The following ACADSB variants were observed in gnomAD, a reference collection of about 807,000 sequenced individuals.
ACADSB encodes the protein acyl-CoA dehydrogenase short/branched chain, also known as short/branched chain specific acyl-CoA dehydrogenase, mitochondrial.
A neutral mutation model predicts 54.1 loss-of-function variants in ACADSB; 40 were observed. The observed-to-expected ratio is 0.74, with a 90% CI of 0.57 to 0.96. ACADSB has a LOEUF of 0.96. ACADSB is among the 40% of genes least tolerant of loss of function. ACADSB has a pLI of 0.00. For synonymous variants in ACADSB, 182 were observed against 182.8 expected (o/e 1.00, Z 0.03); for missense variants, 530 against 510.4 (o/e 1.04, Z -0.37).
In ACADSB at chr10:123,055,279, C is replaced by T; in HGVS notation, c.*1514C>T. Reference sequence around the variant, plus strand: ...AAAAGCACTTCTTACATGGCGGCAGCAAGAGAAAATGAGAAAGAAGCAAAA... The same window carrying T: ...AAAAGCACTTCTTACATGGCGGCAGTAAGAGAAAATGAGAAAGAAGCAAAA... On this transcript the variant is annotated 3_prime_UTR_variant, in exon 11 of 11. Transcript: ENST00000358776. 5.1e-6 allele frequency: 1 copy of T among 196,306 alleles called. No individual in the cohort carries two copies. The highest frequency in any genetic ancestry group is 1.2e-4 in the South Asian group (1 of 8,654). The allele number at this position is 196,306 out of a possible 1,614,324, so 12.2% of individuals were successfully genotyped here.
chr10:123,015,213 C>G (rs1850094778), intron 1 of ACADSB, among the ~76,000 whole-genome samples: 1 of 152,252 alleles, frequency 6.6e-6, no homozygotes, highest in Non-Finnish European at 1.5e-5. Context: ...GCAAATATAT[C>G]TTTGTCTTCC....
chr10:123,010,551 C>T (rs1850013163), intron 1 of ACADSB, among the ~76,000 whole-genome samples: 1 of 152,100 alleles, frequency 6.6e-6, no homozygotes, highest in African/African-American at 2.4e-5. Flanking sequence ...GAACCCAGGC[C>T]CTCTCACTTC....
intron 1 of ACADSB, among the ~76,000 whole-genome samples, chr10:123,031,131 CTG>C (rs1437357223): frequency 1.3e-5 from 2 of 152,158 alleles, no homozygotes; most frequent in East Asian, 1.9e-4. Context: ...ATAAAAGTAT[CTG>C]TAATTTCTTT....
At chr10:123,017,633 G>A (rs1432550782) in intron 1 of ACADSB, among the ~76,000 whole-genome samples, 1 of 152,180 alleles carries the variant, frequency 6.6e-6, no homozygotes, top group East Asian at 1.9e-4. Context: ...AGTTTCTAAT[G>A]GCCGGCATTT....
At chr10:123,028,622 C>T (rs948393804) in intron 1 of ACADSB, among the ~76,000 whole-genome samples, 1 of 152,138 alleles carries the variant, frequency 6.6e-6, no homozygotes, top group African/African-American at 2.4e-5. Context: ...ATGGTCCTGC[C>T]ATTGCACTCC....
At chr10:123,044,605 A>G in intron 7 of ACADSB, 120 bp downstream of exon 7, 1 of 781,476 alleles carries the variant, frequency 1.3e-6, no homozygotes. Context: ...GTTCCCTTAC[A>G]TGAGGGATAG....
chr10:123,027,454 T>A, intron 1 of ACADSB: 1 of 439,454 alleles, frequency 2.3e-6, no homozygotes, highest in Admixed American at 2.4e-5. Flanking sequence ...ATTCTTGTGA[T>A]AATGAATAAG....
chr10:123,014,015 C>T (rs972788329), intron 1 of ACADSB, among the ~76,000 whole-genome samples: 3 of 152,182 alleles, frequency 2.0e-5, no homozygotes, highest in East Asian at 3.9e-4. Context: ...GCCGAGGAGG[C>T]GAGGCACCGA....
intron 1 of ACADSB, among the ~76,000 whole-genome samples, chr10:123,021,617 C>T (rs964922601): frequency 1.3e-5 from 2 of 152,142 alleles, no homozygotes; most frequent in East Asian, 1.9e-4. Context: ...AAACATCACA[C>T]GCATAACACA....
chr10:123,043,526 G>A (rs1850505004), intron 6 of ACADSB, among the ~76,000 whole-genome samples: 1 of 152,246 alleles, frequency 6.6e-6, no homozygotes, highest in African/African-American at 2.4e-5. Context: ...AAGGCCACAA[G>A]ATGGGGGTGT....
At chr10:123,044,304 A>T (rs1225232999) in intron 6 of ACADSB, 89 bp from the exon 7 acceptor site, 1 of 1,162,216 alleles carries the variant, frequency 8.6e-7, no homozygotes, top group African/African-American at 1.5e-5. Context: ...TAGCACACGA[A>T]TTGAGAGTCT....
chr10:123,045,290 TGCCTCA>T (rs1377636018), intron 7 of ACADSB, among the ~76,000 whole-genome samples: 1 of 146,482 alleles, frequency 6.8e-6, no homozygotes, highest in Non-Finnish European at 1.5e-5. Context: ...GCCATTCTCC[TGCCTCA>T]GCCTCCCGAG....
intron 1 of ACADSB, among the ~76,000 whole-genome samples, chr10:123,022,837 C>A (rs982909060): frequency 6.6e-6 from 1 of 152,088 alleles, no homozygotes; most frequent in African/African-American, 2.4e-5. Flanking sequence ...ATATCACAAC[C>A]CTTTCTTAAT....
rs1225521671 is a variant in ACADSB, at chr10:123,056,034, AG to A, written c.*2271del. ...GGGCAAAGCCATTCAGCAAGTATCT[AG>A]GAAGTTCCAAACTTTCCCACATTTT... On this transcript the variant is annotated 3_prime_UTR_variant, in exon 11 of 11. Coordinates refer to ENST00000358776, the MANE Select transcript of ACADSB (RefSeq NM_001609.4). The A allele has an allele frequency of 6.6e-6, 1 of 152,664 alleles. No individual in the cohort carries two copies. The highest frequency in any genetic ancestry group is 2.4e-5 in the African/African-American group (1 of 41,454). 9.5% of individuals were successfully genotyped at this position (152,664 alleles called of 1,614,324 possible).
chr10:123,022,404 G>A (rs1850194926), intron 1 of ACADSB, among the ~76,000 whole-genome samples: 1 of 152,202 alleles, frequency 6.6e-6, no homozygotes, highest in Admixed American at 6.5e-5. Context: ...AATCTCCACT[G>A]CCCCTCCCAG....
In ACADSB at chr10:123,053,818, G is replaced by A. The variant is rs914910774; in HGVS notation, c.*53G>A. ...GTGTCACTGCTGTAAAATTTTAAAC[G>A]GTTGTGTCTTGTTGGGAGTAAGTGC... On this transcript the variant is annotated 3_prime_UTR_variant, in exon 11 of 11. Transcript: ENST00000358776. 6.6e-6 allele frequency: 10 copies of A among 1,513,886 alleles called. No homozygotes were observed. Among genetic ancestry groups the A allele is most frequent in the South Asian group, 4.5e-5 (4 of 88,946 alleles). 93.8% of individuals were successfully genotyped at this position (1,513,886 alleles called of 1,614,324 possible).
chr10:123,035,560 C>T (rs1466152692), intron 2 of ACADSB, among the ~76,000 whole-genome samples: 2 of 152,154 alleles, frequency 1.3e-5, no homozygotes, highest in Admixed American at 1.3e-4. Flanking sequence ...TGTAGTGGCT[C>T]ACAGTTCTGT....
At chr10:123,033,977 C>A (rs897082074) in intron 1 of ACADSB, among the ~76,000 whole-genome samples, 6 of 152,196 alleles carry the variant, frequency 3.9e-5, no homozygotes, top group Non-Finnish European at 8.8e-5. Context: ...TAGCTCTGTG[C>A]CCTCACAAGA....
At chr10:123,033,573 A>G (rs755785025) in intron 1 of ACADSB, among the ~76,000 whole-genome samples, 3 of 152,100 alleles carry the variant, frequency 2.0e-5, no homozygotes, top group Admixed American at 6.5e-5. Context: ...TGTTCTTAGC[A>G]GTTGTGTAGA....
Sources: gnomAD v4.1 joint callset for allele counts (sites outside exome capture counted in the v4.1 genomes callset) on GRCh38, gnomAD v4.1.1 for gene constraint, MANE v1.5 for transcripts, NCBI Gene and HGNC (gene_info 2026-07-23, HGNC 2026-07-21) for gene names.